Variants in ADRA1B observed in about 807,000 individuals in gnomAD.
The protein encoded by ADRA1B is adrenoceptor alpha 1B, also known as alpha-1B adrenergic receptor.
A neutral mutation model predicts 17.9 loss-of-function variants in ADRA1B; 17 were observed. The ratio of observed to expected loss-of-function variants is 0.95; its 90% CI spans 0.65 to 1.42. The LOEUF is 1.42. Among genes scored for constraint, ADRA1B ranks in the 40% most tolerant of loss-of-function variants. The pLI is 0.00. For synonymous variants in ADRA1B, 366 were observed against 327.6 expected (o/e 1.12, Z -1.27); for missense variants, 681 against 722.1 (o/e 0.94, Z 0.65).
intron 1 of ADRA1B, among the ~76,000 whole-genome samples, chr5:159,882,711 G>A (rs1226216325): frequency 6.6e-6 from 1 of 152,086 alleles, no homozygotes; most frequent in Non-Finnish European, 1.5e-5. Flanking sequence ...TGCAGAACAG[G>A]GATGAACTCG....
At chr5:159,901,012 C>T (rs546485072) in intron 1 of ADRA1B, among the ~76,000 whole-genome samples, 3 of 151,970 alleles carry the variant, frequency 2.0e-5, no homozygotes, top group South Asian at 2.1e-4. Flanking sequence ...GTGACTACTC[C>T]GAAGGGAAAA....
chr5:159,961,419 T>C (rs747431282), intron 1 of ADRA1B, among the ~76,000 whole-genome samples: 8 of 152,242 alleles, frequency 5.3e-5, no homozygotes, highest in Non-Finnish European at 1.2e-4. Flanking sequence ...CCCAAAGATA[T>C]TGTATTCACT....
At chr5:159,898,277 C>A (rs1581023820) in intron 1 of ADRA1B, among the ~76,000 whole-genome samples, 1 of 152,200 alleles carries the variant, frequency 6.6e-6, no homozygotes, top group African/African-American at 2.4e-5. Flanking sequence ...TCCCTGTGAA[C>A]ACAGAGAGCA....
In ADRA1B at chr5:159,916,822, C is replaced by A; in HGVS notation, c.-84C>A. ...TCTGGGAAGAAGACCACGGGGGAAGCAAAGTTTCAGGGCAGCTGAGGAGCC... is the reference window on the plus strand; with the variant it reads ...TCTGGGAAGAAGACCACGGGGGAAGAAAAGTTTCAGGGCAGCTGAGGAGCC... On this transcript the variant is annotated 5_prime_UTR_variant, in exon 1 of 2. Transcript: ENST00000306675. 7.2e-7 allele frequency: 1 copy of A among 1,385,978 alleles called. No homozygotes were observed. Among genetic ancestry groups the A allele is most frequent in the East Asian group, 2.4e-5 (1 of 41,224 alleles). The allele number at this position is 1,385,978 out of a possible 1,614,324, so 85.9% of individuals were successfully genotyped here.
chr5:159,915,478 C>T (rs1754279703), upstream of ADRA1B, among the ~76,000 whole-genome samples: 1 of 152,146 alleles, frequency 6.6e-6, no homozygotes, highest in Non-Finnish European at 1.5e-5. Flanking sequence ...CATACTTTCT[C>T]TTCTAAGTAC....
At chr5:159,933,931 C>T (rs2113207580) in intron 1 of ADRA1B, among the ~76,000 whole-genome samples, 1 of 152,358 alleles carries the variant, frequency 6.6e-6, no homozygotes, top group East Asian at 1.9e-4. Flanking sequence ...CCCTACCCCA[C>T]CGTGGGGGCC....
intron 1 of ADRA1B, among the ~76,000 whole-genome samples, chr5:159,900,407 T>C (rs2113118807): frequency 6.6e-6 from 1 of 152,388 alleles, no homozygotes; most frequent in South Asian, 2.1e-4. Context: ...AGTAAAGTTT[T>C]GTCACTTTCT....
intron 1 of ADRA1B, among the ~76,000 whole-genome samples, chr5:159,903,655 C>T (rs1419939275): frequency 3.3e-5 from 5 of 152,212 alleles, no homozygotes; most frequent in South Asian, 2.1e-4. Context: ...GTGGGAAGGG[C>T]GGCCACATTC....
chr5:159,891,569 CAAGCT>C (rs1439448453), intron 1 of ADRA1B, among the ~76,000 whole-genome samples: 1 of 152,138 alleles, frequency 6.6e-6, no homozygotes, highest in Non-Finnish European at 1.5e-5. Context: ...TTAATGTTCC[CAAGCT>C]AAGGGTCCTG....
intron 1 of ADRA1B, among the ~76,000 whole-genome samples, chr5:159,922,160 G>T (rs1754502508): frequency 6.6e-6 from 1 of 152,210 alleles, no homozygotes; most frequent in South Asian, 2.1e-4. Context: ...CTTACAGCCT[G>T]GTGAGATTGT....
downstream of ADRA1B, among the ~76,000 whole-genome samples, chr5:159,977,094 A>T (rs541016567): frequency 6.6e-6 from 1 of 152,220 alleles, no homozygotes; most frequent in East Asian, 1.9e-4. Flanking sequence ...ACTTTTCCTG[A>T]ATCAGCAGTT....
At chr5:159,949,842 T>G (rs1476233586) in intron 1 of ADRA1B, among the ~76,000 whole-genome samples, 2 of 152,226 alleles carry the variant, frequency 1.3e-5, no homozygotes, top group African/African-American at 4.8e-5. Context: ...TCTTGCCAAA[T>G]GCACTTCTTC....
At chr5:159,960,727 A>T (rs920272153) in intron 1 of ADRA1B, among the ~76,000 whole-genome samples, 1 of 149,710 alleles carries the variant, frequency 6.7e-6, no homozygotes, top group African/African-American at 2.5e-5. Context: ...AAAAAAAAAA[A>T]GCAGATTCTG....
intron 1 of ADRA1B, among the ~76,000 whole-genome samples, chr5:159,928,327 GT>G (rs1426322552): frequency 6.6e-6 from 1 of 152,108 alleles, no homozygotes. Flanking sequence ...AGTAGAATCT[GT>G]CCACATTGGC....
chr5:159,895,007 T>G (rs1754026834), intron 1 of ADRA1B, among the ~76,000 whole-genome samples: 1 of 152,202 alleles, frequency 6.6e-6, no homozygotes. Flanking sequence ...TATAAATTTA[T>G]CTTTAAAGGA....
intron 1 of ADRA1B, among the ~76,000 whole-genome samples, chr5:159,965,708 T>C (rs1378208337): frequency 1.3e-5 from 2 of 152,080 alleles, no homozygotes; most frequent in Non-Finnish European, 1.5e-5. Context: ...GTGGCATCTG[T>C]GGCAGCCTGG....
At chr5:159,918,487 G>A (rs531780426) in intron 1 of ADRA1B, among the ~76,000 whole-genome samples, 4 of 152,352 alleles carry the variant, frequency 2.6e-5, no homozygotes, top group Admixed American at 6.5e-5. Context: ...TTGAAAGCTT[G>A]AGATGTGAAA....
intron 1 of ADRA1B, among the ~76,000 whole-genome samples, chr5:159,891,077 G>A (rs1753979099): frequency 6.6e-6 from 1 of 152,100 alleles, no homozygotes; most frequent in South Asian, 2.1e-4. Context: ...CTCTAAGATG[G>A]TAGCTATGCT....
At chr5:159,934,490 G>A (rs1754899300) in intron 1 of ADRA1B, among the ~76,000 whole-genome samples, 1 of 151,888 alleles carries the variant, frequency 6.6e-6, no homozygotes, top group African/African-American at 2.4e-5. Context: ...TCCTGCTTGA[G>A]TTGCTGTACT....
Sources: allele counts gnomAD v4.1 joint callset (sites outside exome capture counted in the v4.1 genomes callset), GRCh38; gene constraint gnomAD v4.1.1; transcripts MANE v1.5; gene names NCBI Gene and HGNC (gene_info 2026-07-23, HGNC 2026-07-21).